The following CACNB2 variants were observed in gnomAD, a reference collection of about 807,000 sequenced individuals.
CACNB2 encodes the protein voltage-dependent L-type calcium channel subunit beta-2.
A neutral mutation model predicts 73.3 loss-of-function variants in CACNB2; 42 were observed. The ratio of observed to expected loss-of-function variants is 0.57; its 90% CI spans 0.45 to 0.74. The LOEUF (loss-of-function observed/expected upper bound fraction) is 0.74. Among genes scored for constraint, CACNB2 ranks in the 30% least tolerant of loss-of-function variants. The pLI is 0.00. For synonymous variants in CACNB2, 348 were observed against 310.3 expected, an observed-to-expected ratio of 1.12 and a Z score of -1.28; for missense variants, 940 against 853.0, an observed-to-expected ratio of 1.10 and a Z score of -1.27.
intron 2 of CACNB2, among the ~76,000 whole-genome samples, chr10:18,170,692 T>G (rs2033161930): frequency 6.6e-6 from 1 of 152,188 alleles, no homozygotes; most frequent in Non-Finnish European, 1.5e-5. Flanking sequence ...TAAATCAAAT[T>G]TTTATAGTCT....
chr10:18,392,192 G>A (rs1408345143), intron 2 of CACNB2, among the ~76,000 whole-genome samples: 4 of 152,116 alleles, frequency 2.6e-5, no homozygotes, highest in Non-Finnish European at 4.4e-5. Context: ...AAGGGAGAGC[G>A]AGGTGGCAGG....
intron 2 of CACNB2, among the ~76,000 whole-genome samples, chr10:18,210,904 T>G (rs1203306616): frequency 6.6e-6 from 1 of 152,226 alleles, no homozygotes; most frequent in Non-Finnish European, 1.5e-5. Context: ...ACAGGGATTA[T>G]GCATTTACCA....
Position 18,534,134 on chromosome 10 carries a change from G to T in CACNB2, c.1113G>T (p.Val371=). The T allele has an allele frequency of 6.2e-7, 1 of 1,613,886 alleles. No individual in the cohort carries two copies. Among genetic ancestry groups the T allele is most frequent in the African/African-American group, 1.3e-5 (1 of 75,032 alleles). The change falls in exon 11 of 14, where the codon GTG becomes GTT. Residue 371 remains valine, a synonymous_variant. Transcript: ENST00000324631. ...IFELARTLQL[V]VLDADTINHP... ...AACTTGCAAGAACATTGCAGTTGGT[G>T]GTCCTTGACGCGGATACAATTAATC... is the stretch of plus-strand genomic sequence containing the variant.
chr10:18,539,893 G>C lies in CACNB2; in HGVS notation c.*169G>C. 2 of 754,474 alleles carry C rather than the reference G, an allele frequency of 2.7e-6. No homozygotes were observed. Among genetic ancestry groups the C allele is most frequent in the Non-Finnish European group, 4.1e-6 (2 of 482,140 alleles). 46.7% of individuals were successfully genotyped at this position (754,474 alleles called of 1,614,324 possible). A position where few individuals can be genotyped will look rare whatever the true frequency, so the allele number is the denominator to read the frequency against. ...AGCAATAGCATGGATAGAGTATTGA[G>C]ATACTTTTTCTTTTGTAAGTGCTAC... On this transcript the variant is annotated 3_prime_UTR_variant, in exon 14 of 14. Transcript: ENST00000324631.
chr10:18,444,932 G>A (rs1162165918), intron 3 of CACNB2, among the ~76,000 whole-genome samples: 1 of 152,196 alleles, frequency 6.6e-6, no homozygotes, highest in African/African-American at 2.4e-5. Flanking sequence ...GTTGTACTAA[G>A]TTTCTATGGT....
intron 3 of CACNB2, among the ~76,000 whole-genome samples, chr10:18,411,402 A>G (rs1324556453): frequency 6.6e-6 from 1 of 152,186 alleles, no homozygotes; most frequent in East Asian, 1.9e-4. Flanking sequence ...AATTGATGAT[A>G]ATATTAATAA....
At chr10:18,141,721 C>T (rs2030428353) in intron 1 of CACNB2, among the ~76,000 whole-genome samples, 1 of 152,188 alleles carries the variant, frequency 6.6e-6, no homozygotes, top group African/African-American at 2.4e-5. Context: ...TTACAGACAC[C>T]TCCAGGTCTC....
chr10:18,253,545 C>G (rs993170489), intron 2 of CACNB2, among the ~76,000 whole-genome samples: 4 of 152,060 alleles, frequency 2.6e-5, no homozygotes, highest in African/African-American at 7.2e-5. Context: ...CTATGAATAG[C>G]CTTTCTTGTC....
At chr10:18,506,643 A>G (rs565123123) in intron 6 of CACNB2, 96 bp downstream of exon 6, 43 of 788,348 alleles carry the variant, frequency 5.5e-5, no homozygotes, top group Non-Finnish European at 8.6e-5. Context: ...CTGAATCACT[A>G]TGTTAACCCT....
chr10:18,167,977 CT>C (rs1410859825), intron 2 of CACNB2, among the ~76,000 whole-genome samples: 1 of 152,204 alleles, frequency 6.6e-6, no homozygotes, highest in Non-Finnish European at 1.5e-5. Context: ...CTTGAAACCC[CT>C]TTGGTGTGGA....
intron 2 of CACNB2, among the ~76,000 whole-genome samples, chr10:18,175,551 C>T (rs555323402): frequency 6.6e-6 from 1 of 152,224 alleles, no homozygotes; most frequent in South Asian, 2.1e-4. Flanking sequence ...CACACACACC[C>T]ACTGCCAGGG....
At chr10:18,343,501 T>A (rs2041316873) in intron 2 of CACNB2, among the ~76,000 whole-genome samples, 1 of 152,204 alleles carries the variant, frequency 6.6e-6, no homozygotes. Context: ...AATAACTGTG[T>A]TTCAAGATAC....
chr10:18,379,375 G>A (rs1831761467), intron 2 of CACNB2, among the ~76,000 whole-genome samples: 1 of 151,994 alleles, frequency 6.6e-6, no homozygotes, highest in Non-Finnish European at 1.5e-5. Flanking sequence ...ACCATGCCCA[G>A]CTAATTTTTG....
chr10:18,196,085 T>C (rs1456879157), intron 2 of CACNB2, among the ~76,000 whole-genome samples: 2 of 152,170 alleles, frequency 1.3e-5, no homozygotes, highest in African/African-American at 2.4e-5. Context: ...TTAACTCATT[T>C]GATCCACAAC....
chr10:18,302,682 T>C (rs866536925), intron 2 of CACNB2, among the ~76,000 whole-genome samples: 3 of 152,012 alleles, frequency 2.0e-5, no homozygotes, highest in Non-Finnish European at 4.4e-5. Flanking sequence ...AATGGCATAA[T>C]GGACTTTGAG....
intron 2 of CACNB2, among the ~76,000 whole-genome samples, chr10:18,333,506 T>C (rs1302777067): frequency 6.6e-6 from 1 of 152,250 alleles, no homozygotes; most frequent in Non-Finnish European, 1.5e-5. Flanking sequence ...CTATTATGTC[T>C]GTGACTATTT....
intron 5 of CACNB2, among the ~76,000 whole-genome samples, chr10:18,502,193 G>A (rs1235395377): frequency 6.6e-6 from 1 of 152,088 alleles, no homozygotes. Flanking sequence ...TGTAATCCTA[G>A]CTACTCGGGA....
intron 2 of CACNB2, among the ~76,000 whole-genome samples, chr10:18,364,458 G>A (rs181513848): frequency 1.6e-4 from 25 of 151,694 alleles, no homozygotes; most frequent in Admixed American, 2.0e-4. Context: ...GCAACACCAC[G>A]CCTGGCTAAT....
At position 18,539,831 on chromosome 10, in the gene CACNB2, G is replaced by T; in HGVS notation, c.*107G>T. 8.8e-7 allele frequency: 1 copy of T among 1,139,652 alleles called. No individual in the cohort carries two copies. Among genetic ancestry groups the T allele is most frequent in the Non-Finnish European group, 1.3e-6 (1 of 796,368 alleles). 70.6% of individuals were successfully genotyped at this position (1,139,652 alleles called of 1,614,324 possible). On this transcript the variant is annotated 3_prime_UTR_variant, in exon 14 of 14. Coordinates refer to ENST00000324631, the MANE Select transcript of CACNB2 (RefSeq NM_201596.3). ...TCTACACTGCAATCATATGTGATCT[G>T]TCTTGTAATATTTTGTATTATTGCT...
Sources: allele counts gnomAD v4.1 joint callset (sites outside exome capture counted in the v4.1 genomes callset), GRCh38; gene constraint gnomAD v4.1.1; transcripts MANE v1.5; gene names NCBI Gene and HGNC (gene_info 2026-07-23, HGNC 2026-07-21).